Variants in PDE4D observed in about 807,000 individuals in gnomAD.
The protein encoded by PDE4D is 3',5'-cyclic-AMP phosphodiesterase 4D.
A neutral mutation model predicts 87.4 loss-of-function variants in PDE4D; 24 were observed. The ratio of observed to expected loss-of-function variants is 0.27; its 90% CI spans 0.20 to 0.39. The LOEUF is 0.39. Among genes scored for constraint, PDE4D ranks in the 10% least tolerant of loss-of-function variants. The pLI is 1.00. For missense variants in PDE4D, 714 were observed against 1,041.0 expected (o/e 0.69, Z 4.32); for synonymous variants, 384 against 383.2 (o/e 1.00, Z -0.02).
At chr5:60,314,580 C>T (rs538516313) in intron 1 of PDE4D, among the ~76,000 whole-genome samples, 1 of 152,206 alleles carries the variant, frequency 6.6e-6, no homozygotes, top group South Asian at 2.1e-4. Flanking sequence ...TGGTATGCTG[C>T]ATCCATTAAC....
intron 2 of PDE4D, among the ~76,000 whole-genome samples, chr5:60,037,616 GT>G (rs1302808091): frequency 6.6e-6 from 1 of 152,162 alleles, no homozygotes; most frequent in Non-Finnish European, 1.5e-5. Flanking sequence ...CCCTGGTGGG[GT>G]TTTTGCTGAA....
intron 1 of PDE4D, among the ~76,000 whole-genome samples, chr5:60,240,178 T>C (rs755942813): frequency 6.6e-6 from 1 of 152,112 alleles, no homozygotes; most frequent in Non-Finnish European, 1.5e-5. Context: ...ACTCTCTAAG[T>C]TCTTGAATTG....
chr5:60,515,958 T>C (rs900609222), intron 1 of PDE4D, among the ~76,000 whole-genome samples: 9 of 152,368 alleles, frequency 5.9e-5, no homozygotes, highest in East Asian at 1.9e-4. Flanking sequence ...CTATCTCTTA[T>C]TGATTACAGC....
At chr5:59,658,506 G>C (rs143941375) in intron 1 of PDE4D, among the ~76,000 whole-genome samples, 11,404 of 151,944 alleles carry the variant, frequency 0.075, 1,310 homozygotes, top group African/African-American at 0.25. Flanking sequence ...CTCAGCCTCT[G>C]GAGTAGCTGG....
chr5:59,104,356 G>GT (rs1185831887), intron 5 of PDE4D, among the ~76,000 whole-genome samples: 2 of 152,146 alleles, frequency 1.3e-5, no homozygotes, highest in Non-Finnish European at 2.9e-5. Flanking sequence ...AAGTCACACA[G>GT]TAAGCGTTGG....
intron 1 of PDE4D, among the ~76,000 whole-genome samples, chr5:59,713,985 T>G (rs536021283): frequency 6.6e-6 from 1 of 152,126 alleles, no homozygotes; most frequent in Non-Finnish European, 1.5e-5. Flanking sequence ...GTGGGGTGCC[T>G]GAAGGCCTGG....
Position 59,794,571 on chromosome 5 carries a change from A to T in PDE4D, c.455+98597T>A, listed in dbSNP as rs1392437338. Among the ~76,000 whole-genome samples, 4 of 152,092 alleles carry T rather than the reference A, an allele frequency of 2.6e-5. No individual in the cohort carries two copies. The East Asian group carries it at 7.7e-4, about 29-fold the overall frequency. ...TGACCTATAAATGTTTACTGTAATTATACCAATTGTCACCTCCTGCATTGT... is the reference window on the plus strand; with the variant it reads ...TGACCTATAAATGTTTACTGTAATTTTACCAATTGTCACCTCCTGCATTGT... On this transcript the variant is annotated intron_variant, in intron 1 of 14. Transcript: ENST00000340635.
intron 1 of PDE4D, among the ~76,000 whole-genome samples, chr5:59,624,047 C>T (rs748148570): frequency 9.2e-5 from 14 of 152,132 alleles, no homozygotes; most frequent in Non-Finnish European, 1.9e-4. Flanking sequence ...TATAAAGCAG[C>T]CCCGTTGTGT....
chr5:59,102,215 T>C (rs1770869665), intron 5 of PDE4D, among the ~76,000 whole-genome samples: 1 of 151,614 alleles, frequency 6.6e-6, no homozygotes, highest in Middle Eastern at 3.4e-3. Flanking sequence ...GCCTCCCAAG[T>C]AGCTGGGATT....
At chr5:59,998,379 G>A (rs1763710248) in intron 2 of PDE4D, among the ~76,000 whole-genome samples, 1 of 152,078 alleles carries the variant, frequency 6.6e-6, no homozygotes, top group Admixed American at 6.6e-5. Context: ...GAATAGTCAG[G>A]TAAGTTTGTC....
intron 1 of PDE4D, among the ~76,000 whole-genome samples, chr5:59,702,134 CTTTTT>C (rs1259294034): frequency 1.3e-5 from 2 of 152,024 alleles, no homozygotes; most frequent in Non-Finnish European, 2.9e-5. Context: ...CCCTGCTTTT[CTTTTT>C]TTGAGATGAA....
chr5:60,332,654 C>A (rs1207231085), intron 1 of PDE4D, among the ~76,000 whole-genome samples: 3 of 152,182 alleles, frequency 2.0e-5, no homozygotes, highest in Non-Finnish European at 4.4e-5. Flanking sequence ...ATAGCCACAA[C>A]CACATAATTG....
intron 1 of PDE4D, among the ~76,000 whole-genome samples, chr5:60,393,044 A>T (rs1033089635): frequency 6.6e-6 from 1 of 152,238 alleles, no homozygotes. Context: ...CCCAGTAAAC[A>T]AAGCTTTGAT....
At chr5:60,301,150 T>C (rs1753854007) in intron 1 of PDE4D, among the ~76,000 whole-genome samples, 1 of 152,222 alleles carries the variant, frequency 6.6e-6, no homozygotes, top group Admixed American at 6.5e-5. Context: ...GGTAGCATGA[T>C]GCCTCCAGCT....
rs1159632466 is a variant in PDE4D, at chr5:59,565,713, A to G, written c.455+327455T>C. Among the ~76,000 whole-genome samples the G allele has an allele frequency of 2.0e-5, 3 of 152,218 alleles. No homozygotes were observed. In the East Asian group the frequency reaches 5.8e-4, roughly 29 times the overall value. ...AGATGGCAAAGCAACTGGGCAAGGAAGTCCCTGGACAGATGCTCAGGATGA... is the reference window on the plus strand; with the variant it reads ...AGATGGCAAAGCAACTGGGCAAGGAGGTCCCTGGACAGATGCTCAGGATGA... On this transcript the variant is annotated intron_variant, in intron 1 of 14. Transcript: ENST00000340635.
chr5:59,403,166 CA>C (rs1790985445), intron 1 of PDE4D, among the ~76,000 whole-genome samples: 1 of 138,814 alleles, frequency 7.2e-6, no homozygotes, highest in Non-Finnish European at 1.6e-5. Context: ...GACAGACAGA[CA>C]GACAGACAGA....
chr5:59,815,214 C>T (rs1768841934), intron 1 of PDE4D, among the ~76,000 whole-genome samples: 1 of 152,072 alleles, frequency 6.6e-6, no homozygotes, highest in Non-Finnish European at 1.5e-5. Flanking sequence ...TGGGAGACCT[C>T]GGTTGGGAAA....
At chr5:59,469,775 C>G (rs534810048) in intron 1 of PDE4D, among the ~76,000 whole-genome samples, 1 of 152,046 alleles carries the variant, frequency 6.6e-6, no homozygotes, top group African/African-American at 2.4e-5. Context: ...ATCTCATTTA[C>G]GAAGAGGAGA....
chr5:59,665,874 C>T (rs1745997576), intron 1 of PDE4D, among the ~76,000 whole-genome samples: 1 of 152,180 alleles, frequency 6.6e-6, no homozygotes, highest in South Asian at 2.1e-4. Context: ...TGGCCCTCAC[C>T]AGACACCAAA....
Sources: allele counts gnomAD v4.1 joint callset (sites outside exome capture counted in the v4.1 genomes callset), GRCh38; gene constraint gnomAD v4.1.1; transcripts MANE v1.5; gene names NCBI Gene and HGNC (gene_info 2026-07-23, HGNC 2026-07-21).